EDA: variants seen among roughly 807,000 people sequenced by gnomAD.
EDA encodes ectodysplasin-A.
In EDA, 2 loss-of-function variants were observed where a neutral mutation model predicts 23.6. The observed-to-expected ratio is 0.08, with a 90% CI of 0.03 to 0.27. EDA has a LOEUF of 0.27. Ranked by LOEUF, EDA falls within the 10% of genes least tolerant of loss-of-function variation. EDA has a pLI of 1.00. For missense variants in EDA, 229 were observed against 324.2 expected (o/e 0.71, Z 2.26); for synonymous variants, 131 against 132.0 (o/e 0.99, Z 0.05).
intron 1 of EDA, among the ~76,000 whole-genome samples, chrX:69,902,531 G>T (rs769031932): frequency 9.0e-6 from 1 of 111,363 alleles, no homozygotes; most frequent in South Asian, 3.8e-4. Flanking sequence ...ACAACAAGCT[G>T]CTCCCAATTT....
chrX:69,785,490 T>C lies in EDA; in HGVS notation c.396+168786T>C, dbSNP rs1169755309. Among the ~76,000 whole-genome samples the C allele has an allele frequency of 8.4e-5, 9 of 107,553 alleles. No individual in the cohort carries two copies. In the East Asian group the frequency reaches 2.5e-3, roughly 30 times the overall value. The allele number at this position is 107,553 out of a possible 115,157, so 93.4% of individuals were successfully genotyped here. ...CCACCAATACCTAATTTATTGAGAG[T>C]TTTTAGCATGAAGGGTTGTTGAATT... On this transcript the variant is annotated intron_variant, in intron 1 of 7. Transcript: ENST00000374552.
chrX:69,964,962 A>C (rs753965389), intron 2 of EDA, among the ~76,000 whole-genome samples: 2 of 112,016 alleles, frequency 1.8e-5, no homozygotes, highest in African/African-American at 6.5e-5. Flanking sequence ...ATGTTTATTG[A>C]TCACCCTTCC....
chrX:69,720,803 A>G (rs1193424961), intron 1 of EDA, among the ~76,000 whole-genome samples: 2 of 112,610 alleles, frequency 1.8e-5, no homozygotes, highest in Non-Finnish European at 3.7e-5. Flanking sequence ...TTGTTATAAT[A>G]GCTGCTTTCA....
At chrX:69,717,808 C>G (rs2012406916) in intron 1 of EDA, among the ~76,000 whole-genome samples, 1 of 111,723 alleles carries the variant, frequency 9.0e-6, no homozygotes, top group East Asian at 2.8e-4. Flanking sequence ...TGTGAGCCAC[C>G]ATGCCTGGCC....
intron 1 of EDA, among the ~76,000 whole-genome samples, chrX:69,739,508 A>G (rs994158531): frequency 1.2e-4 from 13 of 111,127 alleles, no homozygotes; most frequent in Non-Finnish European, 2.5e-4. Flanking sequence ...TTGGATTTAT[A>G]TCTGCCACTT....
intron 1 of EDA, among the ~76,000 whole-genome samples, chrX:69,739,451 CT>C (rs1425029547): frequency 9.0e-6 from 1 of 110,505 alleles, no homozygotes; most frequent in Non-Finnish European, 1.9e-5. Flanking sequence ...TAATCTCTGA[CT>C]TTTGATTGGA....
chrX:69,949,930 A>G (rs1460842360), intron 1 of EDA, among the ~76,000 whole-genome samples: 1 of 109,916 alleles, frequency 9.1e-6, no homozygotes, highest in East Asian at 2.8e-4. Context: ...ACCTTATACA[A>G]AAATCAATTC....
At chrX:69,793,564 G>GTTTTTTTTTTTTTTTTTTTTT (rs1362047098) in intron 1 of EDA, among the ~76,000 whole-genome samples, 2 of 32,895 alleles carry the variant, frequency 6.1e-5, no homozygotes, top group African/African-American at 3.4e-4. Flanking sequence ...TTGTTTGTTT[G>GTTTTTTTTTTTTTTTTTTTTT]TTTTTGTTTT....
intron 1 of EDA, among the ~76,000 whole-genome samples, chrX:69,828,933 G>A (rs969995302): frequency 1.4e-4 from 16 of 112,005 alleles, no homozygotes; most frequent in African/African-American, 4.2e-4. Context: ...TTTAATAGCA[G>A]TGCCATTTTT....
chrX:69,773,332 T>C (rs1430439413), intron 1 of EDA, among the ~76,000 whole-genome samples: 1 of 112,344 alleles, frequency 8.9e-6, no homozygotes, highest in Non-Finnish European at 1.9e-5. Flanking sequence ...GTTGGGTTGT[T>C]TCCACCCTTT....
chrX:69,996,410 G>C (rs1016031201), intron 2 of EDA, among the ~76,000 whole-genome samples: 19 of 111,716 alleles, frequency 1.7e-4, no homozygotes. Context: ...GGAGGGCAAA[G>C]ACCTTTTCCA....
intron 2 of EDA, among the ~76,000 whole-genome samples, chrX:70,018,853 A>G (rs1380034413): frequency 8.9e-6 from 1 of 112,295 alleles, no homozygotes; most frequent in Non-Finnish European, 1.9e-5. Context: ...TAATTAAACT[A>G]AAGAGCTCCT....
intron 1 of EDA, among the ~76,000 whole-genome samples, chrX:69,733,960 A>G (rs1335611212): frequency 2.7e-5 from 3 of 109,505 alleles, no homozygotes; most frequent in Non-Finnish European, 5.7e-5. Flanking sequence ...ATATAAAATG[A>G]GTTGGGAAGT....
At chrX:69,792,831 C>T (rs1177754430) in intron 1 of EDA, among the ~76,000 whole-genome samples, 1 of 111,978 alleles carries the variant, frequency 8.9e-6, no homozygotes, top group African/African-American at 3.2e-5. Context: ...TTGTTCTTTT[C>T]TTGCTGATTT....
intron 1 of EDA, among the ~76,000 whole-genome samples, chrX:69,847,985 ACTT>A (rs1481370520): frequency 9.0e-6 from 1 of 111,706 alleles, no homozygotes; most frequent in Non-Finnish European, 1.9e-5. Flanking sequence ...CACTTGTTCT[ACTT>A]CTTTACTAGC....
At chrX:69,826,441 G>T (rs1469460770) in intron 1 of EDA, among the ~76,000 whole-genome samples, 13 of 109,277 alleles carry the variant, frequency 1.2e-4, no homozygotes, top group African/African-American at 2.7e-4. Context: ...TTGATCCCTT[G>T]ACCATTATGT....
chrX:69,825,474 G>A (rs2016393730), intron 1 of EDA, among the ~76,000 whole-genome samples: 1 of 111,198 alleles, frequency 9.0e-6, no homozygotes, highest in Non-Finnish European at 1.9e-5. Flanking sequence ...AGATTTTCTA[G>A]TTTATTTGCA....
intron 1 of EDA, among the ~76,000 whole-genome samples, chrX:69,733,182 A>G (rs953054391): frequency 9.0e-6 from 1 of 111,002 alleles, no homozygotes; most frequent in Admixed American, 9.6e-5. Flanking sequence ...GCCCATGCCT[A>G]TGTCCTGAAT....
rs1392702920 is a variant in EDA, at chrX:69,885,042, G to T, written c.397-71985G>T. 4.5e-5 allele frequency among the ~76,000 whole-genome samples: 5 copies of T among 111,785 alleles called. No individual in the cohort carries two copies. In the East Asian group the frequency reaches 8.4e-4, roughly 19 times the overall value. On this transcript the variant is annotated intron_variant, in intron 1 of 7. Coordinates refer to ENST00000374552, the MANE Select transcript of EDA (RefSeq NM_001399.5). ...GGATATAAAGTGGTATCTCCTTGTG[G>T]TTTTTTACTTGCATTTTCCTAGTGA...
Sources: allele counts gnomAD v4.1 joint callset (sites outside exome capture counted in the v4.1 genomes callset), GRCh38; gene constraint gnomAD v4.1.1; transcripts MANE v1.5; gene names NCBI Gene and HGNC (gene_info 2026-07-23, HGNC 2026-07-21).